Variants in CHMP4B observed in about 807,000 individuals in gnomAD.
CHMP4B encodes the protein SNF7 homolog associated with Alix 1.
Under a neutral mutation model 25.1 loss-of-function variants are expected in CHMP4B, and 1 was observed. The ratio of observed to expected loss-of-function variants is 0.04; its 90% CI spans 0.01 to 0.19. CHMP4B has a LOEUF of 0.19. Among genes scored for constraint, CHMP4B ranks in the 10% least tolerant of loss-of-function variants. CHMP4B has a pLI of 1.00. For missense variants in CHMP4B, 151 were observed against 289.7 expected, an observed-to-expected ratio of 0.52 and a Z score of 3.48; for synonymous variants, 101 against 115.6, an observed-to-expected ratio of 0.87 and a Z score of 0.81.
intron 1 of CHMP4B, among the ~76,000 whole-genome samples, chr20:33,833,794 CT>C (rs1258222856): frequency 6.6e-6 from 1 of 152,184 alleles, no homozygotes; most frequent in African/African-American, 2.4e-5. Context: ...AGTTTCCCCC[CT>C]CTAGGCATCC....
intron 1 of CHMP4B, among the ~76,000 whole-genome samples, chr20:33,840,921 T>C (rs1277097360): frequency 6.6e-6 from 1 of 152,224 alleles, no homozygotes; most frequent in Non-Finnish European, 1.5e-5. Context: ...ATCTACTTGA[T>C]GGTGGAGGTG....
At chr20:33,845,695 A>G (rs1979670356) in intron 1 of CHMP4B, among the ~76,000 whole-genome samples, 1 of 152,166 alleles carries the variant, frequency 6.6e-6, no homozygotes, top group Admixed American at 6.5e-5. Flanking sequence ...GAGTTGAGAA[A>G]GGGGCACCTG....
intron 3 of CHMP4B, 134 bp from the exon 4 acceptor site, chr20:33,851,943 G>C: frequency 8.7e-7 from 1 of 1,150,388 alleles, no homozygotes; most frequent in Non-Finnish European, 1.3e-6. Flanking sequence ...ACAGGGTCTG[G>C]AACCTGGAAT....
At position 33,817,406 on chromosome 20, in the gene CHMP4B, A is replaced by G. The variant is rs189349096; in HGVS notation, c.190+5748A>G. ...AATTGCCTGCCAGAGTAGGTTTATAATGTGATTTGTAACTCAAGATAGATT... is the reference window on the plus strand; with the variant it reads ...AATTGCCTGCCAGAGTAGGTTTATAGTGTGATTTGTAACTCAAGATAGATT... On this transcript the variant is annotated intron_variant, in intron 1 of 4. Coordinates refer to ENST00000217402, the MANE Select transcript of CHMP4B (RefSeq NM_176812.5). Among the ~76,000 whole-genome samples, 27 of 152,330 alleles carry G rather than the reference A, an allele frequency of 1.8e-4. No homozygotes were observed. The East Asian group carries it at 4.0e-3, about 23-fold the overall frequency.
intron 1 of CHMP4B, among the ~76,000 whole-genome samples, chr20:33,832,513 T>TA (rs1210322044): frequency 6.6e-6 from 1 of 152,228 alleles, no homozygotes; most frequent in Non-Finnish European, 1.5e-5. Context: ...TGTCTTTCCA[T>TA]GTCTGGGGAT....
chr20:33,815,288 T>C (rs1489317247), intron 1 of CHMP4B, among the ~76,000 whole-genome samples: 1 of 152,224 alleles, frequency 6.6e-6, no homozygotes, highest in Non-Finnish European at 1.5e-5. Flanking sequence ...ATTATCATTA[T>C]TACAAGGAGA....
chr20:33,815,508 G>A (rs1341568101), intron 1 of CHMP4B, among the ~76,000 whole-genome samples: 1 of 152,156 alleles, frequency 6.6e-6, no homozygotes, highest in Non-Finnish European at 1.5e-5. Flanking sequence ...GATGGTGATG[G>A]CAGTAATGAA....
rs191894532 is a variant in CHMP4B at position 33,819,552 on chromosome 20, C to T, written c.190+7894C>T. Among the ~76,000 whole-genome samples, 34 of 152,312 alleles carry T rather than the reference C, an allele frequency of 2.2e-4. 1 individual carries two copies. Among genetic ancestry groups the T allele is most frequent in the African/African-American group, 7.7e-4 (32 of 41,578 alleles). On this transcript the variant is annotated intron_variant, in intron 1 of 4. Coordinates refer to ENST00000217402, the MANE Select transcript of CHMP4B (RefSeq NM_176812.5). ...TCCTTGACAGCTGATATTTCTAGCT[C>T]TACCTCCTCCCTCTTCCTTACAGGG...
At chr20:33,836,645 G>A (rs192002153) in intron 1 of CHMP4B, among the ~76,000 whole-genome samples, 13 of 152,178 alleles carry the variant, frequency 8.5e-5, no homozygotes, top group African/African-American at 3.1e-4. Context: ...TGGCTCTCCA[G>A]GGTTTTCTCT....
At position 33,854,208 on chromosome 20, in the gene CHMP4B, A is replaced by T. The variant is rs1979942858; in HGVS notation, c.*648A>T. On this transcript the variant is annotated 3_prime_UTR_variant, in exon 5 of 5. Coordinates refer to ENST00000217402, the MANE Select transcript of CHMP4B (RefSeq NM_176812.5). ...TCTCTTGAGAGCAAGTGAGATTGTT[A>T]GAATTAAGTTCCAACTATACAGTTT... is the stretch of plus-strand genomic sequence containing the variant. 6.4e-6 allele frequency: 1 copy of T among 155,040 alleles called. No individual in the cohort carries two copies. Among genetic ancestry groups the T allele is most frequent in the Non-Finnish European group, 1.4e-5 (1 of 69,618 alleles). The allele number at this position is 155,040 out of a possible 1,614,324, so 9.6% of individuals were successfully genotyped here.
intron 1 of CHMP4B, among the ~76,000 whole-genome samples, chr20:33,844,083 C>T (rs74440098): frequency 0.039 from 5,920 of 152,260 alleles, 382 homozygotes; most frequent in African/African-American, 0.13. Context: ...GGGGATACCC[C>T]GGGACTGTCC....
rs1464590679 is a variant in CHMP4B at position 33,831,068 on chromosome 20, GT to G, written c.191-17398del. ...GGATCCTCCCACCTCAGCCTCCCAG[GT>G]AGCTGAGACTGCCTATGCTCAGCTA... is the stretch of plus-strand genomic sequence containing the variant. On this transcript the variant is annotated intron_variant, in intron 1 of 4. Transcript: ENST00000217402. Among the ~76,000 whole-genome samples, 28 of 150,376 alleles carry G rather than the reference GT, an allele frequency of 1.9e-4. 1 individual carries two copies. The South Asian group carries it at 5.9e-3, about 32-fold the overall frequency.
chr20:33,850,858 T>C, intron 2 of CHMP4B, 94 bp from the exon 3 acceptor site: 1 of 865,448 alleles, frequency 1.2e-6, no homozygotes, highest in Non-Finnish European at 2.0e-6. Flanking sequence ...GGAAGCTGAT[T>C]TTGTGGGGCC....
At chr20:33,829,156 G>A (rs748094261) in intron 1 of CHMP4B, among the ~76,000 whole-genome samples, 1 of 152,210 alleles carries the variant, frequency 6.6e-6, no homozygotes, top group Non-Finnish European at 1.5e-5. Flanking sequence ...GAAGAGCTGC[G>A]AGGAAGCTTG....
chr20:33,812,206 T>C (rs1250739373), intron 1 of CHMP4B, among the ~76,000 whole-genome samples: 1 of 152,216 alleles, frequency 6.6e-6, no homozygotes, highest in Non-Finnish European at 1.5e-5. Context: ...CGATTCCTGC[T>C]CTATTCACTT....
chr20:33,848,788 C>T, intron 2 of CHMP4B, 144 bp downstream of exon 2: 1 of 839,894 alleles, frequency 1.2e-6, no homozygotes, highest in Non-Finnish European at 1.9e-6. Flanking sequence ...TTTTTTGGAA[C>T]TCCGAAAATG....
intron 1 of CHMP4B, among the ~76,000 whole-genome samples, chr20:33,832,650 G>C (rs13043926): frequency 0.17 from 26,504 of 152,040 alleles, 2,620 homozygotes; most frequent in East Asian, 0.32. Flanking sequence ...ACAAGGCCCT[G>C]AGGTAGTCTC....
At chr20:33,841,437 G>A (rs1377772676) in intron 1 of CHMP4B, among the ~76,000 whole-genome samples, 2 of 152,202 alleles carry the variant, frequency 1.3e-5, no homozygotes, top group South Asian at 2.1e-4. Context: ...CAGGGACAGC[G>A]TTCCAAGGCT....
chr20:33,834,545 G>A (rs903081747), intron 1 of CHMP4B, among the ~76,000 whole-genome samples: 5 of 152,160 alleles, frequency 3.3e-5, no homozygotes, highest in Non-Finnish European at 7.3e-5. Flanking sequence ...TCTTTTTCTA[G>A]CTTGTTAAGG....
Sources: gnomAD v4.1 joint callset for allele counts (sites outside exome capture counted in the v4.1 genomes callset) on GRCh38, gnomAD v4.1.1 for gene constraint, MANE v1.5 for transcripts, NCBI Gene and HGNC (gene_info 2026-07-23, HGNC 2026-07-21) for gene names.